Variants in UTRN observed in about 807,000 individuals in gnomAD.
UTRN encodes the protein utrophin, also known as dystrophin-related protein 1.
A neutral mutation model predicts 463.9 loss-of-function variants in UTRN; 283 were observed. The ratio of observed to expected loss-of-function variants is 0.61; its 90% CI spans 0.55 to 0.67. The LOEUF is 0.67. Among genes scored for constraint, UTRN ranks in the 30% least tolerant of loss-of-function variants. UTRN has a pLI of 0.00. For synonymous variants in UTRN, 1,442 were observed against 1,431.5 expected, an observed-to-expected ratio of 1.01 and a Z score of -0.17; for missense variants, 3,922 against 4,084.3, an observed-to-expected ratio of 0.96 and a Z score of 1.08.
At chr6:144,505,986 T>C (rs971001942) in intron 34 of UTRN, among the ~76,000 whole-genome samples, 1 of 152,236 alleles carries the variant, frequency 6.6e-6, no homozygotes, top group Non-Finnish European at 1.5e-5. Flanking sequence ...CTTGTTGCAT[T>C]GATCCCTTTA....
chr6:144,451,438 A>T lies in UTRN; in HGVS notation c.2141A>T (p.Glu714Val), dbSNP rs745938113. 2 of 1,613,420 alleles carry T rather than the reference A, an allele frequency of 1.2e-6. No individual in the cohort carries two copies. Among genetic ancestry groups the T allele is most frequent in the Admixed American group, 3.3e-5 (2 of 59,968 alleles). ...LKWKTAIQTT[E>V]IKEYMKMQDT... ...TGGAAAACTGCCATTCAGACCACAG[A>T]GATAAAAGAGTATATGAAGATGCAA... Residue 714 changes from glutamate to valine, a missense_variant, in exon 18 of 75, where the codon GAG becomes GTG. Transcript: ENST00000367545.
intron 3 of UTRN, among the ~76,000 whole-genome samples, chr6:144,417,580 G>T (rs1784460059): frequency 6.6e-6 from 1 of 152,080 alleles, no homozygotes; most frequent in East Asian, 1.9e-4. Flanking sequence ...TATTTCTACT[G>T]CCTGTTTCCG....
intron 23 of UTRN, among the ~76,000 whole-genome samples, chr6:144,466,072 A>T (rs1789932935): frequency 6.6e-6 from 1 of 152,228 alleles, no homozygotes; most frequent in Admixed American, 6.5e-5. Context: ...CCTTGTACAT[A>T]CAAGTTAGAC....
chr6:144,769,067 G>T (rs1793715393), intron 58 of UTRN, among the ~76,000 whole-genome samples: 1 of 150,888 alleles, frequency 6.6e-6, no homozygotes, highest in African/African-American at 2.4e-5. Flanking sequence ...TTATCAAGCT[G>T]CACAATATGA....
intron 51 of UTRN, among the ~76,000 whole-genome samples, chr6:144,646,905 G>C (rs1778360474): frequency 6.6e-6 from 1 of 152,050 alleles, no homozygotes; most frequent in African/African-American, 2.4e-5. Context: ...CAATGTGGTG[G>C]GTAAATGAAA....
At chr6:144,287,849 A>G (rs1432865855) in intron 1 of UTRN, among the ~76,000 whole-genome samples, 1 of 152,224 alleles carries the variant, frequency 6.6e-6, no homozygotes, top group Non-Finnish European at 1.5e-5. Context: ...TCTAGGGCAG[A>G]GGTAACAATA....
At chr6:144,551,750 G>A (rs138025267) in intron 48 of UTRN, among the ~76,000 whole-genome samples, 1 of 152,256 alleles carries the variant, frequency 6.6e-6, no homozygotes, top group East Asian at 1.9e-4. Flanking sequence ...ACAATCTGCT[G>A]CCACTACCCC....
At chr6:144,553,435 A>G (rs1324794365) in intron 48 of UTRN, among the ~76,000 whole-genome samples, 1 of 152,176 alleles carries the variant, frequency 6.6e-6, no homozygotes, top group Non-Finnish European at 1.5e-5. Flanking sequence ...TCTTGTAGTT[A>G]CGTTCCTCTT....
chr6:144,691,380 G>A (rs1431676260), intron 52 of UTRN, among the ~76,000 whole-genome samples: 1 of 152,200 alleles, frequency 6.6e-6, no homozygotes, highest in Non-Finnish European at 1.5e-5. Flanking sequence ...GCCTTCCAAA[G>A]TGCTAGGGTT....
At chr6:144,381,420 C>A (rs1465838641) in intron 2 of UTRN, among the ~76,000 whole-genome samples, 1 of 152,184 alleles carries the variant, frequency 6.6e-6, no homozygotes, top group East Asian at 1.9e-4. Context: ...TCCAATCCAC[C>A]ACTAATGGGC....
chr6:144,492,758 G>T (rs1481779311), intron 32 of UTRN, among the ~76,000 whole-genome samples: 4 of 152,094 alleles, frequency 2.6e-5, no homozygotes, highest in Admixed American at 1.3e-4. Flanking sequence ...ATTTGCATCA[G>T]AAATCTGTTT....
chr6:144,740,162 T>TA (rs1303680063), intron 54 of UTRN, among the ~76,000 whole-genome samples: 13 of 152,232 alleles, frequency 8.5e-5, no homozygotes, highest in African/African-American at 2.9e-4. Context: ...AACTAAGGCT[T>TA]ATGTCACAAA....
chr6:144,771,790 T>A lies in UTRN; in HGVS notation c.8496-117T>A, dbSNP rs1794050941. On this transcript the variant is annotated intron_variant, in intron 58 of 74. Transcript: ENST00000367545. ...TGAATGGTTGATAATGAGGATAATT[T>A]TGCATGTATTTTTAAAAATTTGAAA... is the stretch of plus-strand genomic sequence containing the variant. 56 of 743,214 alleles carry A rather than the reference T, an allele frequency of 7.5e-5. 2 individuals are homozygous for A. In the South Asian group the frequency reaches 1.2e-3, roughly 15 times the overall value. 46.0% of individuals were successfully genotyped at this position (743,214 alleles called of 1,614,324 possible). A position where few individuals can be genotyped will look rare whatever the true frequency, so the allele number is the denominator to read the frequency against.
intron 34 of UTRN, among the ~76,000 whole-genome samples, chr6:144,501,227 T>A (rs1794149419): frequency 1.3e-5 from 2 of 152,350 alleles, no homozygotes; most frequent in East Asian, 1.9e-4. Context: ...TTGCAAGTCA[T>A]CGGTGTGTTG....
chr6:144,669,081 C>T (rs1321346116), intron 51 of UTRN, among the ~76,000 whole-genome samples: 1 of 152,170 alleles, frequency 6.6e-6, no homozygotes, highest in East Asian at 1.9e-4. Context: ...TACTGGCTGT[C>T]ATGCCAGAGT....
intron 2 of UTRN, chr6:144,333,391 C>G (rs1452910252): frequency 6.6e-6 from 1 of 152,140 alleles, no homozygotes; most frequent in Non-Finnish European, 1.5e-5. Context: ...TATTCACATT[C>G]AGATTTTTCA....
chr6:144,492,060 CACGTTTGAT>C (rs1425239650), intron 32 of UTRN, among the ~76,000 whole-genome samples: 5 of 151,916 alleles, frequency 3.3e-5, no homozygotes, highest in Admixed American at 6.6e-5. Context: ...AGTACATGTG[CACGTTTGAT>C]ACATGGATAT....
At position 144,475,111 on chromosome 6, in the gene UTRN, A is replaced by G. The variant is rs900477959; in HGVS notation, c.3336+352A>G. 1.7e-4 allele frequency among the ~76,000 whole-genome samples: 26 copies of G among 152,220 alleles called. 1 individual carries two copies. The highest frequency in any genetic ancestry group is 4.4e-5 in the Non-Finnish European group (3 of 68,044). On this transcript the variant is annotated intron_variant, in intron 25 of 74. Coordinates refer to ENST00000367545, the MANE Select transcript of UTRN (RefSeq NM_007124.3). ...AAGCATCATTCTAGGCACTGCAGGT[A>G]CAGCATTGAACAAGGAAGAAGAAAC...
chr6:144,324,579 G>A (rs560922192), intron 2 of UTRN, among the ~76,000 whole-genome samples: 5 of 152,258 alleles, frequency 3.3e-5, no homozygotes, highest in African/African-American at 9.6e-5. Context: ...TGAGAACCAC[G>A]TCTTGCTTGC....
Sources: allele counts gnomAD v4.1 joint callset (sites outside exome capture counted in the v4.1 genomes callset), GRCh38; gene constraint gnomAD v4.1.1; transcripts MANE v1.5; gene names NCBI Gene and HGNC (gene_info 2026-07-23, HGNC 2026-07-21).